ZNF676: variants seen among roughly 807,000 people sequenced by gnomAD.
ZNF676 encodes zinc finger protein 676.
A neutral mutation model predicts 6.0 loss-of-function variants in ZNF676; 4 were observed. The observed-to-expected ratio is 0.67, with a 90% CI of 0.33 to 1.53. ZNF676 has a LOEUF of 1.53. ZNF676 is among the 40% of genes most tolerant of loss of function. The pLI is 0.06. For synonymous variants in ZNF676, 198 were observed against 223.1 expected, an observed-to-expected ratio of 0.89 and a Z score of 1.00; for missense variants, 644 against 679.7, an observed-to-expected ratio of 0.95 and a Z score of 0.58.
chr19:22,233,370 G>A, the ZNF676 span, among the ~76,000 whole-genome samples: 2 of 150,360 alleles, frequency 1.3e-5, no homozygotes, highest in Admixed American at 1.3e-4. Context: ...GGATGGGAAT[G>A]TATTGCCCTG....
chr19:22,230,652 T>A, the ZNF676 span, among the ~76,000 whole-genome samples: 1 of 140,534 alleles, frequency 7.1e-6, no homozygotes, highest in African/African-American at 2.8e-5. Context: ...CATATATATG[T>A]ATTTGTATAT....
At chr19:22,215,797 T>TC (rs58901355), upstream of ZNF676, 126,174 of 542,620 alleles carry the variant, frequency 0.23, 7,059 homozygotes, top group Non-Finnish European at 0.27. Flanking sequence ...AGCCGACCTG[T>TC]CCCCCCCCCC....
chr19:22,202,124 G>A (rs866986243), intron 1 of ZNF676, among the ~76,000 whole-genome samples: 3 of 152,172 alleles, frequency 2.0e-5, no homozygotes, highest in Middle Eastern at 3.4e-3. Flanking sequence ...AGTAGCAGCA[G>A]GTGGTATCTG....
chr19:22,218,766 CTG>C (rs1568538858), upstream of ZNF676, among the ~76,000 whole-genome samples: 1 of 152,068 alleles, frequency 6.6e-6, no homozygotes, highest in African/African-American at 2.4e-5. Flanking sequence ...GATCAGTTGA[CTG>C]TAAGTATTTG....
At chr19:22,231,358 A>T in the ZNF676 span, among the ~76,000 whole-genome samples, 1 of 152,032 alleles carries the variant, frequency 6.6e-6, no homozygotes, top group Admixed American at 6.6e-5. Context: ...AACATTATTA[A>T]GTCTTTCTGT....
the ZNF676 span, among the ~76,000 whole-genome samples, chr19:22,253,372 G>GTGTA: frequency 7.0e-4 from 64 of 90,802 alleles, 1 homozygote; most frequent in Middle Eastern, 5.7e-3. Flanking sequence ...GTGTGTGTGT[G>GTGTA]TATATATATA....
intron 1 of ZNF676, among the ~76,000 whole-genome samples, chr19:22,212,267 A>T (rs1447821269): frequency 6.6e-6 from 1 of 151,988 alleles, no homozygotes; most frequent in African/African-American, 2.4e-5. Context: ...ATTCACTCTG[A>T]GAAAGAAAAA....
the ZNF676 span, chr19:22,244,472 A>G: frequency 6.6e-6 from 1 of 152,356 alleles, no homozygotes; most frequent in South Asian, 2.1e-4. Context: ...CATAGCACCT[A>G]TGAGTTGGGC....
chr19:22,207,309 C>T (rs1242792273), intron 1 of ZNF676, among the ~76,000 whole-genome samples: 2 of 152,144 alleles, frequency 1.3e-5, no homozygotes, highest in Non-Finnish European at 2.9e-5. Context: ...AACACCTAGG[C>T]CAAATCCGAA....
chr19:22,259,177 A>C, the ZNF676 span, among the ~76,000 whole-genome samples: 346 of 152,282 alleles, frequency 2.3e-3, 3 homozygotes, highest in Non-Finnish European at 3.7e-3. Context: ...CAAACATGTC[A>C]CAATAGCCTC....
At chr19:22,252,486 C>T in the ZNF676 span, among the ~76,000 whole-genome samples, 4 of 149,068 alleles carry the variant, frequency 2.7e-5, no homozygotes, top group Non-Finnish European at 5.9e-5. Context: ...CCCAGAGATA[C>T]TCTATAACCC....
chr19:22,244,474 G>A, the ZNF676 span: 1 of 152,210 alleles, frequency 6.6e-6, no homozygotes, highest in Non-Finnish European at 1.5e-5. Flanking sequence ...TAGCACCTAT[G>A]AGTTGGGCCA....
chr19:22,212,928 G>T (rs2024144775), intron 1 of ZNF676, among the ~76,000 whole-genome samples: 1 of 151,858 alleles, frequency 6.6e-6, no homozygotes, highest in Non-Finnish European at 1.5e-5. Context: ...CCGGGAGGCG[G>T]AGGTTACAGT....
At chr19:22,190,200 A>T (rs1478764190) in intron 2 of ZNF676, among the ~76,000 whole-genome samples, 3 of 152,130 alleles carry the variant, frequency 2.0e-5, no homozygotes, top group Non-Finnish European at 4.4e-5. Flanking sequence ...CATAAAAAAA[A>T]TGAATTCACA....
At chr19:22,256,177 G>A in the ZNF676 span, among the ~76,000 whole-genome samples, 1 of 152,224 alleles carries the variant, frequency 6.6e-6, no homozygotes, top group Non-Finnish European at 1.5e-5. Flanking sequence ...GCCTAGCTAT[G>A]AGAAGCAGCA....
In ZNF676 at chr19:22,179,840, T is replaced by C; in HGVS notation, c.*110A>G. On this transcript the variant is annotated 3_prime_UTR_variant, in exon 3 of 3. Transcript: ENST00000397121. ...TGTGTAATAAAGATTGAGGACTGTT[T>C]AAAAGCTTTGCCACATTCTTCACCT... 1 of 1,271,716 alleles carries C rather than the reference T, an allele frequency of 7.9e-7. No individual in the cohort carries two copies. Among genetic ancestry groups the C allele is most frequent in the Non-Finnish European group, 1.1e-6 (1 of 884,672 alleles). The allele number at this position is 1,271,716 out of a possible 1,614,324, so 78.8% of individuals were successfully genotyped here.
At chr19:22,192,149 A>C (rs1485397320) in intron 2 of ZNF676, among the ~76,000 whole-genome samples, 2 of 122,116 alleles carry the variant, frequency 1.6e-5, no homozygotes, top group African/African-American at 7.2e-5. Context: ...TAAAATTAAC[A>C]TACAAGTATA....
chr19:22,186,061 C>A (rs1346204616), intron 2 of ZNF676, among the ~76,000 whole-genome samples: 4 of 151,998 alleles, frequency 2.6e-5, no homozygotes, highest in African/African-American at 9.7e-5. Flanking sequence ...AGAATAGCAA[C>A]CCCAAGAGAG....
At chr19:22,215,745 C>G in exon 1 of ZNF676, 1 of 1,385,938 alleles carries the variant, frequency 7.2e-7, no homozygotes. Context: ...AGGCCTTTAC[C>G]TCCGGCTGCA....
Sources: allele counts gnomAD v4.1 joint callset (sites outside exome capture counted in the v4.1 genomes callset), GRCh38; gene constraint gnomAD v4.1.1; transcripts MANE v1.5; gene names NCBI Gene and HGNC (gene_info 2026-07-23, HGNC 2026-07-21).